Variants in RIN3 observed in about 807,000 individuals in gnomAD.
The protein encoded by RIN3 is RAB5 interacting protein 3.
Under a neutral mutation model 76.3 loss-of-function variants are expected in RIN3, and 54 were observed. That is an observed-to-expected ratio of 0.71 (90% CI 0.57 to 0.89). RIN3 has a LOEUF of 0.89. RIN3 is among the 40% of genes least tolerant of loss of function. The pLI is 0.00. For missense variants in RIN3, 1,256 were observed against 1,322.1 expected (o/e 0.95, Z 0.78); for synonymous variants, 576 against 564.0 (o/e 1.02, Z -0.30).
At chr14:92,584,328 T>G (rs1462037668) in intron 3 of RIN3, among the ~76,000 whole-genome samples, 2 of 152,202 alleles carry the variant, frequency 1.3e-5, no homozygotes, top group African/African-American at 4.8e-5. Context: ...GCAGAATCCA[T>G]GACTGTTTCC....
At chr14:92,548,458 T>C (rs1451229132) in intron 1 of RIN3, among the ~76,000 whole-genome samples, 1 of 152,206 alleles carries the variant, frequency 6.6e-6, no homozygotes, top group African/African-American at 2.4e-5. Flanking sequence ...CCACTAACTT[T>C]GCAGCTTAAA....
intron 3 of RIN3, among the ~76,000 whole-genome samples, chr14:92,603,081 C>A (rs956627047): frequency 6.6e-6 from 1 of 152,208 alleles, no homozygotes; most frequent in East Asian, 1.9e-4. Flanking sequence ...GCATCGCACT[C>A]GGCCCAGGGC....
At chr14:92,532,697 C>T (rs1896911927) in intron 1 of RIN3, among the ~76,000 whole-genome samples, 2 of 152,142 alleles carry the variant, frequency 1.3e-5, no homozygotes, top group African/African-American at 2.4e-5. Context: ...GCGGGGGTCA[C>T]GGGGCCACGG....
chr14:92,664,676 C>A (rs576695220), intron 7 of RIN3, among the ~76,000 whole-genome samples: 77 of 152,124 alleles, frequency 5.1e-4, no homozygotes, highest in African/African-American at 1.8e-3. Flanking sequence ...GGCCATTCAT[C>A]ATTTTCTTTC....
chr14:92,680,242 C>T (rs559911101), intron 8 of RIN3, among the ~76,000 whole-genome samples: 177 of 150,650 alleles, frequency 1.2e-3, no homozygotes, highest in Non-Finnish European at 1.8e-3. Flanking sequence ...GTCTGTCACC[C>T]GGACTGGAGT....
At chr14:92,519,934 T>C (rs982385692) in intron 1 of RIN3, among the ~76,000 whole-genome samples, 14 of 152,348 alleles carry the variant, frequency 9.2e-5, no homozygotes, top group African/African-American at 3.1e-4. Context: ...GCCACCACTG[T>C]GTCCTCTCCT....
intron 1 of RIN3, among the ~76,000 whole-genome samples, chr14:92,550,713 G>T (rs1485153186): frequency 6.6e-6 from 1 of 152,216 alleles, no homozygotes; most frequent in Non-Finnish European, 1.5e-5. Context: ...GTGAGCCACA[G>T]CGCCCAGCTT....
intron 7 of RIN3, among the ~76,000 whole-genome samples, chr14:92,670,007 T>A (rs1015598145): frequency 3.3e-5 from 5 of 151,350 alleles, no homozygotes; most frequent in Non-Finnish European, 5.9e-5. Context: ...GCAGTCCTCC[T>A]ACCTCAGCCT....
chr14:92,652,568 C>T lies in RIN3; in HGVS notation c.1519C>T (p.Gln507Ter), dbSNP rs1389423825. 10 of 1,612,712 alleles carry T rather than the reference C, an allele frequency of 6.2e-6. No homozygotes were observed. Among genetic ancestry groups the T allele is most frequent in the Non-Finnish European group, 7.6e-6 (9 of 1,179,900 alleles). ...PPREGQSPAS[Q>*]AGTQHPPAQA... ...CAGAGAGGGCCAAAGCCCTGCTTCT[C>T]AGGCTGGGACTCAGCACCCTCCTGC... Residue 507 changes from glutamine (Q) to a stop codon, truncating the protein, a stop_gained, in exon 6 of 10, where the codon CAG becomes TAG. Coordinates refer to ENST00000216487, the MANE Select transcript of RIN3 (RefSeq NM_024832.5). LOFTEE classifies it high-confidence loss of function. The surrounding 1 kb of genome is among the most constrained non-coding windows in gnomAD (Gnocchi z 6.4).
chr14:92,599,474 G>T (rs1346581307), intron 3 of RIN3, among the ~76,000 whole-genome samples: 2 of 152,214 alleles, frequency 1.3e-5, no homozygotes, highest in East Asian at 3.8e-4. Flanking sequence ...GGTACCTGGT[G>T]TCAGGGACTG....
In RIN3 at chr14:92,685,290, C is replaced by A; in HGVS notation, c.2631+140C>A. The A allele has an allele frequency of 1.1e-6, 1 of 882,398 alleles. No homozygotes were observed. Among genetic ancestry groups the A allele is most frequent in the Non-Finnish European group, 1.7e-6 (1 of 592,730 alleles). 54.7% of individuals were successfully genotyped at this position (882,398 alleles called of 1,614,324 possible). On this transcript the variant is annotated intron_variant, in intron 9 of 9. Coordinates refer to ENST00000216487, the MANE Select transcript of RIN3 (RefSeq NM_024832.5). This position sits in a 1 kb window ranked among gnomAD's most constrained non-coding sequence, Gnocchi z 4.7. Reference sequence around the variant, plus strand: ...CTTAGGGGAGCAGTGAGACTCCCCACACCAGAGGAAGGGCCCCCAGCCCCT... The same window carrying A: ...CTTAGGGGAGCAGTGAGACTCCCCAAACCAGAGGAAGGGCCCCCAGCCCCT...
At chr14:92,517,099 G>A (rs558692225) in intron 1 of RIN3, among the ~76,000 whole-genome samples, 127 of 152,306 alleles carry the variant, frequency 8.3e-4, no homozygotes, top group Non-Finnish European at 1.3e-3. Flanking sequence ...TAACCCCCTG[G>A]AAGATTCCAC....
intron 8 of RIN3, among the ~76,000 whole-genome samples, chr14:92,683,371 G>A (rs1369075782): frequency 2.0e-5 from 3 of 151,912 alleles, no homozygotes; most frequent in Non-Finnish European, 4.4e-5. Context: ...TCCCTCTCTG[G>A]GACTCGGTTT....
Position 92,652,360 on chromosome 14 carries a change from G to A in RIN3, c.1311G>A (p.Glu437=). ...RESTEQGQDT[E]VKASDPHSMP... The stretch of plus-strand genomic sequence containing the variant: ...GCACGGAGCAAGGCCAGGACACAGA[G>A]GTGAAAGCCAGCGATCCTCACAGCA... Residue 437 remains glutamate, a synonymous_variant, in exon 6 of 10, where the codon GAG becomes GAA. Transcript: ENST00000216487. The surrounding 1 kb of genome is among the most constrained non-coding windows in gnomAD (Gnocchi z 6.4). The A allele has an allele frequency of 6.2e-7, 1 of 1,608,220 alleles. No homozygotes were observed. The highest frequency in any genetic ancestry group is 8.5e-7 in the Non-Finnish European group (1 of 1,176,804).
At chr14:92,546,438 A>G (rs1468167113) in intron 1 of RIN3, among the ~76,000 whole-genome samples, 1 of 152,090 alleles carries the variant, frequency 6.6e-6, no homozygotes, top group Non-Finnish European at 1.5e-5. Flanking sequence ...TAGCCACTCC[A>G]CTGATTTACT....
Position 92,652,922 on chromosome 14 carries a change from G to A in RIN3, c.1873G>A (p.Val625Met). ...YFGSLVQDYK[V>M]YSLEMMARQT... is the part of the protein sequence containing the mutation. Reference sequence around the variant, plus strand: ...TGGCAGCCTGGTGCAGGACTACAAGGTGTACAGCCTGGAGATGATGGCGCG... The same window carrying A: ...TGGCAGCCTGGTGCAGGACTACAAGATGTACAGCCTGGAGATGATGGCGCG... Residue 625 changes from valine (V) to methionine (M), a missense_variant, in exon 6 of 10, where the codon GTG becomes ATG. This residue lies in a region of RIN3 where 428 missense variants were observed against 521.2 expected (regional missense o/e 0.82). Transcript: ENST00000216487. This position sits in a 1 kb window ranked among gnomAD's most constrained non-coding sequence, Gnocchi z 6.4. The A allele has an allele frequency of 1.2e-6, 2 of 1,614,014 alleles. No homozygotes were observed. The highest frequency in any genetic ancestry group is 1.6e-4 in the Middle Eastern group (1 of 6,062).
intron 4 of RIN3, among the ~76,000 whole-genome samples, chr14:92,627,382 A>G (rs1338116610): frequency 6.6e-6 from 1 of 152,234 alleles, no homozygotes; most frequent in Non-Finnish European, 1.5e-5. Context: ...CCATGGCAGG[A>G]TCTGCCCTAA....
At chr14:92,570,093 T>C (rs1226089722) in intron 2 of RIN3, among the ~76,000 whole-genome samples, 1 of 152,196 alleles carries the variant, frequency 6.6e-6, no homozygotes, top group Non-Finnish European at 1.5e-5. Context: ...GACCTGGGTG[T>C]GTGTCCCCTG....
chr14:92,651,404 A>G (rs980851880), intron 5 of RIN3, among the ~76,000 whole-genome samples, 178 bp from the exon 6 acceptor site: 4 of 151,432 alleles, frequency 2.6e-5, no homozygotes, highest in African/African-American at 9.7e-5. Context: ...CGAGGCAGGA[A>G]GTGGTGGGAG....
Sources: allele counts gnomAD v4.1 joint callset (sites outside exome capture counted in the v4.1 genomes callset), GRCh38; gene constraint gnomAD v4.1.1; regional missense constraint gnomAD v4.1.1; non-coding constraint Gnocchi (gnomAD v3.1); transcripts MANE v1.5; gene names NCBI Gene and HGNC (gene_info 2026-07-23, HGNC 2026-07-21).